FRAS1: variants seen among roughly 807,000 people sequenced by gnomAD.
FRAS1 encodes Fraser extracellular matrix complex subunit 1, also known as extracellular matrix organizing protein FRAS1.
A neutral mutation model predicts 435.2 loss-of-function variants in FRAS1; 290 were observed. The observed-to-expected ratio is 0.67, with a 90% confidence interval of 0.61 to 0.73. The LOEUF is 0.73. FRAS1 is among the 30% of genes least tolerant of loss of function. The pLI is 0.00. For synonymous variants in FRAS1, 1,800 were observed against 1,851.0 expected (o/e 0.97, Z 0.71); for missense variants, 4,860 against 5,001.5 (o/e 0.97, Z 0.85).
chr4:78,184,637 G>T, intron 2 of FRAS1, among the ~76,000 whole-genome samples: 1 of 152,284 alleles, frequency 6.6e-6, no homozygotes, highest in Non-Finnish European at 1.5e-5. Flanking sequence ...GCAACCCCTG[G>T]GCATGAGCTG....
intron 2 of FRAS1, chr4:78,068,787 G>A (rs976452622): frequency 2.9e-6 from 1 of 347,758 alleles, no homozygotes; most frequent in Non-Finnish European, 5.6e-6. Context: ...CTGCATTCGG[G>A]TTTATTTGTA....
intron 70 of FRAS1, among the ~76,000 whole-genome samples, chr4:78,532,840 A>C (rs56414193): frequency 0.44 from 67,423 of 151,956 alleles, 15,538 homozygotes; most frequent in East Asian, 0.79. Flanking sequence ...CTGACTATTT[A>C]ATTGTGTGTA....
Position 78,157,183 on chromosome 4 carries a change from A to G in FRAS1, c.109-80327A>G, listed in dbSNP as rs1720929829. ...CTCTTTTTTATGGCTGTGTAGTTCCATGGTATATACATATATCACATTTTC... is the reference window on the plus strand; with the variant it reads ...CTCTTTTTTATGGCTGTGTAGTTCCGTGGTATATACATATATCACATTTTC... On this transcript the variant is annotated intron_variant, in intron 2 of 73. Transcript: ENST00000512123. Among the ~76,000 whole-genome samples the G allele has an allele frequency of 2.0e-5, 3 of 152,146 alleles. No homozygotes were observed. The South Asian group carries it at 6.2e-4, about 32-fold the overall frequency.
At chr4:78,202,536 C>A (rs1396347317) in intron 2 of FRAS1, among the ~76,000 whole-genome samples, 1 of 152,048 alleles carries the variant, frequency 6.6e-6, no homozygotes, top group African/African-American at 2.4e-5. Context: ...ACTAAAAATA[C>A]AAAAATTAGT....
chr4:78,434,115 A>G (rs75528580), intron 38 of FRAS1, among the ~76,000 whole-genome samples: 1,814 of 152,324 alleles, frequency 0.012, 29 homozygotes, highest in African/African-American at 0.042. Flanking sequence ...TTCAGTGAAC[A>G]TGTAGAAAGA....
intron 2 of FRAS1, among the ~76,000 whole-genome samples, chr4:78,202,316 T>C (rs904834284): frequency 1.3e-5 from 2 of 152,196 alleles, no homozygotes; most frequent in Non-Finnish European, 2.9e-5. Context: ...TTAAGCCCAC[T>C]CTCTGGATGG....
At chr4:78,346,912 C>T (rs1321989303) in intron 20 of FRAS1, among the ~76,000 whole-genome samples, 1 of 152,072 alleles carries the variant, frequency 6.6e-6, no homozygotes, top group African/African-American at 2.4e-5. Flanking sequence ...CTTCATTTTT[C>T]CTGCTCCTCT....
chr4:78,084,077 G>A (rs1741030154), intron 2 of FRAS1, among the ~76,000 whole-genome samples: 1 of 151,934 alleles, frequency 6.6e-6, no homozygotes, highest in African/African-American at 2.4e-5. Context: ...GGATCAGTGA[G>A]GTTTTCTCTT....
At chr4:78,124,429 A>G (rs1560536491) in intron 2 of FRAS1, among the ~76,000 whole-genome samples, 1 of 152,146 alleles carries the variant, frequency 6.6e-6, no homozygotes, top group Non-Finnish European at 1.5e-5. Context: ...TTGGTCTAAA[A>G]TTCTCTTTTT....
intron 9 of FRAS1, among the ~76,000 whole-genome samples, chr4:78,277,207 G>A (rs57591252): frequency 0.029 from 4,347 of 152,220 alleles, 199 homozygotes; most frequent in African/African-American, 0.098. Flanking sequence ...TCCAGGTGCC[G>A]TCTGTCACAG....
At chr4:78,287,864 G>T (rs1257344605) in intron 14 of FRAS1, among the ~76,000 whole-genome samples, 2 of 152,160 alleles carry the variant, frequency 1.3e-5, no homozygotes, top group East Asian at 3.8e-4. Flanking sequence ...TATGAGTGTA[G>T]CAGAGCCTGT....
At chr4:78,243,431 A>C (rs80142246) in intron 3 of FRAS1, among the ~76,000 whole-genome samples, 3,137 of 152,146 alleles carry the variant, frequency 0.021, 112 homozygotes, top group African/African-American at 0.072. Flanking sequence ...CAACACTGCA[A>C]AGCCTGGAGA....
At chr4:78,080,169 C>T (rs1436154999) in intron 2 of FRAS1, among the ~76,000 whole-genome samples, 1 of 152,098 alleles carries the variant, frequency 6.6e-6, no homozygotes, top group Non-Finnish European at 1.5e-5. Context: ...GAAACAGGAA[C>T]TAACAATAAA....
At chr4:78,231,649 A>G (rs890986072) in intron 2 of FRAS1, among the ~76,000 whole-genome samples, 4 of 152,136 alleles carry the variant, frequency 2.6e-5, no homozygotes, top group Non-Finnish European at 5.9e-5. Flanking sequence ...GACAGTTGAT[A>G]TACTGCTCTT....
At chr4:78,147,796 G>A (rs1450397624) in intron 2 of FRAS1, among the ~76,000 whole-genome samples, 1 of 152,222 alleles carries the variant, frequency 6.6e-6, no homozygotes, top group Non-Finnish European at 1.5e-5. Flanking sequence ...TTATGAAGAT[G>A]TTAGGGATCC....
intron 2 of FRAS1, chr4:78,181,524 G>A: frequency 2.5e-6 from 4 of 1,611,470 alleles, no homozygotes; most frequent in Non-Finnish European, 8.5e-7. Context: ...CCACGTCCAC[G>A]GCCCCCTCGA....
chr4:78,374,394 T>G, intron 25 of FRAS1, 143 bp downstream of exon 25: 1 of 713,758 alleles, frequency 1.4e-6, no homozygotes, highest in Non-Finnish European at 2.2e-6. Context: ...ATTGATGGCT[T>G]CCCATGCATA....
At chr4:78,530,864 A>G (rs1017357407) in intron 70 of FRAS1, among the ~76,000 whole-genome samples, 3 of 152,152 alleles carry the variant, frequency 2.0e-5, no homozygotes, top group African/African-American at 7.2e-5. Context: ...AGTTTTTTCT[A>G]ATTCTGTGAA....
chr4:78,418,781 A>G (rs944324458), intron 32 of FRAS1, among the ~76,000 whole-genome samples, 168 bp from the exon 33 acceptor site: 6 of 152,198 alleles, frequency 3.9e-5, no homozygotes, highest in Non-Finnish European at 7.3e-5. Flanking sequence ...CTTAGGAAAA[A>G]TCTGCAATGC....
Sources: gnomAD v4.1 joint callset for allele counts (sites outside exome capture counted in the v4.1 genomes callset) on GRCh38, gnomAD v4.1.1 for gene constraint, MANE v1.5 for transcripts, NCBI Gene and HGNC (gene_info 2026-07-23, HGNC 2026-07-21) for gene names.